The following SGCB variants were observed in gnomAD, a reference collection of about 807,000 sequenced individuals.
SGCB encodes the protein beta-sarcoglycan.
Under a neutral mutation model 27.3 loss-of-function variants are expected in SGCB, and 25 were observed. That is an observed-to-expected ratio of 0.92 (90% CI 0.67 to 1.28). The LOEUF (loss-of-function observed/expected upper bound fraction) is 1.28. SGCB is among the 50% of genes most tolerant of loss of function. The probability of loss-of-function intolerance (pLI) is 0.00; values close to 1 mark genes in which losing one functional copy is unlikely to be tolerated. For synonymous variants in SGCB, 147 were observed against 133.5 expected, an observed-to-expected ratio of 1.10 and a Z score of -0.70; for missense variants, 436 against 402.1, an observed-to-expected ratio of 1.08 and a Z score of -0.72.
At chr4:52,031,556 C>A (rs1476372231) in intron 2 of SGCB, among the ~76,000 whole-genome samples, 1 of 150,788 alleles carries the variant, frequency 6.6e-6, no homozygotes, top group African/African-American at 2.4e-5. Context: ...CTGGCTTGTG[C>A]CTTTTAAATG....
In SGCB at chr4:52,038,239, CGCCGCCGCCGCT is replaced by C; in HGVS notation, c.9_20del (p.Ala6_Ala9del). The C allele has an allele frequency of 7.9e-7, 1 of 1,264,334 alleles. No individual in the cohort carries two copies. 78.3% of individuals were successfully genotyped at this position (1,264,334 alleles called of 1,614,324 possible). A position where few individuals can be genotyped will look rare whatever the true frequency, so the allele number is the denominator to read the frequency against. ...GGTACTCACAGACCTGTTCTGCAGC[CGCCGCCGCCGCT>C]GCCGCCATCTTCCCGCGCCCGCCGC... On this transcript the variant is annotated inframe_deletion, in exon 1 of 6. Transcript: ENST00000381431.
At position 52,023,308 on chromosome 4, in the gene SGCB, T is replaced by C. The variant is rs890029529; in HGVS notation, c.*649A>G. The stretch of plus-strand genomic sequence containing the variant: ...AATAAAGATAGTTATCATTATTATT[T>C]AAAAGTTAAAGCTGAGATGGTGTTT... On this transcript the variant is annotated 3_prime_UTR_variant, in exon 6 of 6. Transcript: ENST00000381431. The C allele has an allele frequency of 3.9e-5, 6 of 152,630 alleles. No individual in the cohort carries two copies. Among genetic ancestry groups the C allele is most frequent in the Non-Finnish European group, 8.8e-5 (6 of 68,334 alleles). The allele number at this position is 152,630 out of a possible 1,614,324, so 9.5% of individuals were successfully genotyped here.
rs1429993946 is a variant in SGCB at position 52,023,930 on chromosome 4, A to T, written c.*27T>A. On this transcript the variant is annotated 3_prime_UTR_variant, in exon 6 of 6. Transcript: ENST00000381431. ...CATAAAAAAGTCAAGTCAAGATATA[A>T]ACATGTTGGTGACCTCTGGGGTTCT... The T allele has an allele frequency of 6.3e-7, 1 of 1,589,068 alleles. No individual in the cohort carries two copies. The highest frequency in any genetic ancestry group is 8.6e-7 in the Non-Finnish European group (1 of 1,157,336).
Position 52,025,587 on chromosome 4 carries a change from G to C in SGCB, c.754-1427C>G, listed in dbSNP as rs972000203. ...AACTGAGGATCAGACATGTAGGCAG[G>C]GAATAGACTTTAGATTTTATTCCAA... On this transcript the variant is annotated intron_variant, in intron 5 of 5. Transcript: ENST00000381431. 4.6e-5 allele frequency among the ~76,000 whole-genome samples: 7 copies of C among 152,290 alleles called. 1 individual carries two copies. The highest frequency in any genetic ancestry group is 6.8e-3 in the Middle Eastern group (2 of 292).
At chr4:52,028,964 A>C (rs1224063079) in intron 3 of SGCB, 43 bp from the exon 4 acceptor site, 1 of 1,423,884 alleles carries the variant, frequency 7.0e-7, no homozygotes, top group African/African-American at 1.4e-5. Flanking sequence ...TTCAAAGAAG[A>C]CTGCAAACAA....
intron 2 of SGCB, among the ~76,000 whole-genome samples, chr4:52,031,406 ATGTGTGTGTGTGTGTGTGTG>A (rs57599198): frequency 0.12 from 17,683 of 142,420 alleles, 1,227 homozygotes; most frequent in Middle Eastern, 0.22. Context: ...GTGTGTGTGT[ATGTGTGTGTGTGTGTGTGTG>A]TGTGTGTGTG....
Position 52,023,933 on chromosome 4 carries a change from A to G in SGCB, c.*24T>C. The G allele has an allele frequency of 3.1e-6, 5 of 1,594,514 alleles. No individual in the cohort carries two copies. The highest frequency in any genetic ancestry group is 4.3e-6 in the Non-Finnish European group (5 of 1,162,306). On this transcript the variant is annotated 3_prime_UTR_variant, in exon 6 of 6. Transcript: ENST00000381431. ...AAAAAAGTCAAGTCAAGATATAAACATGTTGGTGACCTCTGGGGTTCTTTT... is the reference window on the plus strand; with the variant it reads ...AAAAAAGTCAAGTCAAGATATAAACGTGTTGGTGACCTCTGGGGTTCTTTT...
intron 2 of SGCB, chr4:52,032,108 A>G (rs1256127495): frequency 5.8e-6 from 2 of 347,016 alleles, no homozygotes; most frequent in African/African-American, 2.1e-5. Flanking sequence ...CCAGAGACAC[A>G]CTAGTTTTGT....
Position 52,022,195 on chromosome 4 carries a change from C to G in SGCB, c.*1762G>C, listed in dbSNP as rs1578122290. ...TCATTCTTTTCATTTAAAAACAGCGCTCAGTGTTAGGTAGTAAGTCAATCC... is the reference window on the plus strand; with the variant it reads ...TCATTCTTTTCATTTAAAAACAGCGGTCAGTGTTAGGTAGTAAGTCAATCC... On this transcript the variant is annotated 3_prime_UTR_variant, in exon 6 of 6. Transcript: ENST00000381431. The G allele has an allele frequency of 6.6e-6, 1 of 152,256 alleles. No individual in the cohort carries two copies. The highest frequency in any genetic ancestry group is 1.5e-5 in the Non-Finnish European group (1 of 68,020). 9.4% of individuals were successfully genotyped at this position (152,256 alleles called of 1,614,324 possible).
chr4:52,027,438 CTAAA>C (rs1236029266), intron 5 of SGCB, among the ~76,000 whole-genome samples: 2 of 151,446 alleles, frequency 1.3e-5, no homozygotes, highest in African/African-American at 2.4e-5. Flanking sequence ...ATAAAAATAT[CTAAA>C]TAAAATAATT....
Position 52,038,246 on chromosome 4 carries a change from G to A in SGCB, c.14C>T (p.Ala5Val), listed in dbSNP as rs886158091. Residue 5 changes from alanine (A) to valine (V), a missense_variant, in exon 1 of 6, where the codon GCG (alanine) becomes GTG (valine). Transcript: ENST00000381431. MAAA[A>V]AAAAEQQSSN... ...ACAGACCTGTTCTGCAGCCGCCGCC[G>A]CCGCTGCCGCCATCTTCCCGCGCCC... 4 of 1,292,930 alleles carry A rather than the reference G, an allele frequency of 3.1e-6. No individual in the cohort carries two copies. The highest frequency in any genetic ancestry group is 6.6e-5 in the East Asian group (2 of 30,306). 80.1% of individuals were successfully genotyped at this position (1,292,930 alleles called of 1,614,324 possible).
chr4:52,025,052 T>C (rs1039939634), intron 5 of SGCB, among the ~76,000 whole-genome samples: 3 of 152,104 alleles, frequency 2.0e-5, no homozygotes, highest in Admixed American at 6.5e-5. Context: ...TCTTGCTTTC[T>C]CCCTTTCCTC....
At chr4:52,025,776 C>T (rs1217005365) in intron 5 of SGCB, among the ~76,000 whole-genome samples, 3 of 152,108 alleles carry the variant, frequency 2.0e-5, no homozygotes, top group Admixed American at 6.5e-5. Flanking sequence ...GGAATGATGG[C>T]AGTTTACATC....
chr4:52,037,932 G>A (rs1357330919), intron 1 of SGCB, among the ~76,000 whole-genome samples: 2 of 152,158 alleles, frequency 1.3e-5, no homozygotes, highest in African/African-American at 2.4e-5. Flanking sequence ...CAGGCTTCCA[G>A]GCTGGCTCGA....
chr4:52,030,699 C>T (rs1170740670), intron 2 of SGCB, among the ~76,000 whole-genome samples: 8 of 152,176 alleles, frequency 5.3e-5, no homozygotes, highest in Admixed American at 2.0e-4. Context: ...GCCCCCTGCA[C>T]AGCTGTAATC....
At chr4:52,024,770 G>C (rs1737043213) in intron 5 of SGCB, among the ~76,000 whole-genome samples, 1 of 137,576 alleles carries the variant, frequency 7.3e-6, no homozygotes, top group Non-Finnish European at 1.5e-5. Flanking sequence ...GGAGCTTGCA[G>C]TGAGCAGAGA....
intron 1 of SGCB, among the ~76,000 whole-genome samples, chr4:52,036,375 A>G (rs1165613761): frequency 2.0e-5 from 3 of 152,128 alleles, no homozygotes; most frequent in Non-Finnish European, 2.9e-5. Context: ...AAGAAATACA[A>G]TGAGAGATGT....
chr4:52,023,232 G>C lies in SGCB; in HGVS notation c.*725C>G, dbSNP rs1737002915. ...CTTGCAGGGTTGTGGTGAGAATTGG[G>C]GATATAAACATGCAATGCCTAGGAC... On this transcript the variant is annotated 3_prime_UTR_variant, in exon 6 of 6. Coordinates refer to ENST00000381431, the MANE Select transcript of SGCB (RefSeq NM_000232.5). The C allele has an allele frequency of 6.6e-6, 1 of 152,016 alleles. No homozygotes were observed. The highest frequency in any genetic ancestry group is 1.5e-5 in the Non-Finnish European group (1 of 68,002). The allele number at this position is 152,016 out of a possible 1,614,324, so 9.4% of individuals were successfully genotyped here. A position where few individuals can be genotyped will look rare whatever the true frequency, so the allele number is the denominator to read the frequency against.
rs1451186535 is a variant in SGCB, at chr4:52,037,807, G to A, written c.33+420C>T. ...AAAACAAAGATGGCAAGCTGACACCGGGGCAACAGCTGACCCGTTTCTTGT... is the reference window on the plus strand; with the variant it reads ...AAAACAAAGATGGCAAGCTGACACCAGGGCAACAGCTGACCCGTTTCTTGT... On this transcript the variant is annotated intron_variant, in intron 1 of 5. Transcript: ENST00000381431. 5.9e-5 allele frequency among the ~76,000 whole-genome samples: 9 copies of A among 152,188 alleles called. No homozygotes were observed. In the South Asian group the frequency reaches 1.7e-3, roughly 28 times the overall value.
Sources: gnomAD v4.1 joint callset for allele counts (sites outside exome capture counted in the v4.1 genomes callset) on GRCh38, gnomAD v4.1.1 for gene constraint, MANE v1.5 for transcripts, NCBI Gene and HGNC (gene_info 2026-07-23, HGNC 2026-07-21) for gene names.